AKAP9: variants seen among roughly 807,000 people sequenced by gnomAD.
AKAP9 encodes the protein A-kinase anchoring protein 9.
A neutral mutation model predicts 488.5 loss-of-function variants in AKAP9; 311 were observed. That is an observed-to-expected ratio of 0.64 (90% CI 0.58 to 0.70). The LOEUF is 0.70. AKAP9 is among the 30% of genes least tolerant of loss of function. The pLI, the probability that AKAP9 is intolerant of heterozygous loss-of-function variation, is 0.00. For synonymous variants in AKAP9, 1,462 were observed against 1,483.5 expected, an observed-to-expected ratio of 0.99 and a Z score of 0.33; for missense variants, 4,215 against 4,374.5, an observed-to-expected ratio of 0.96 and a Z score of 1.03.
chr7:92,079,256 C>T lies in AKAP9; in HGVS notation c.7123C>T (p.His2375Tyr), dbSNP rs1441119171. ...NIGQKTSMNAHSLSEEADSLK... is the reference protein window; with the variant it reads ...NIGQKTSMNAYSLSEEADSLK... ...TGGACAGAAGACATCAATGAATGCT[C>T]ATTCCCTCTCAGAAGAAGCAGACAG... Residue 2375 changes from histidine to tyrosine, a missense_variant, in exon 31 of 50, where the codon CAT (histidine) becomes TAT (tyrosine). By Grantham distance (83) the His-to-Tyr change is moderately conservative. This residue lies in a region of AKAP9 where 1,476 missense variants were observed against 1,477.4 expected (regional missense o/e 1.00). Coordinates refer to ENST00000356239, the MANE Select transcript of AKAP9 (RefSeq NM_005751.5). 6.2e-7 allele frequency: 1 copy of T among 1,613,896 alleles called. No individual in the cohort carries two copies. The highest frequency in any genetic ancestry group is 8.5e-7 in the Non-Finnish European group (1 of 1,179,998).
In AKAP9 at chr7:92,027,790, C is replaced by T. The variant is rs371943640; in HGVS notation, c.4149-2105C>T. Reference sequence around the variant, plus strand: ...TTTCTGCAGGTGTACCCAACAGCTCCGAAGAGACAGCAACCATTGAGAACA... The same window carrying T: ...TTTCTGCAGGTGTACCCAACAGCTCTGAAGAGACAGCAACCATTGAGAACA... On this transcript the variant is annotated intron_variant, in intron 14 of 49. Coordinates refer to ENST00000356239, the MANE Select transcript of AKAP9 (RefSeq NM_005751.5). 3.9e-5 allele frequency among the ~76,000 whole-genome samples: 6 copies of T among 152,020 alleles called. No individual in the cohort carries two copies. The South Asian group carries it at 6.2e-4, about 16-fold the overall frequency.
At chr7:92,058,265 C>G in intron 22 of AKAP9, 1 of 587,164 alleles carries the variant, frequency 1.7e-6, no homozygotes, top group Non-Finnish European at 3.4e-6. Context: ...ATCTCGCGTG[C>G]CTTTACCACA....
intron 1 of AKAP9, among the ~76,000 whole-genome samples, chr7:91,961,379 T>C (rs1347177794): frequency 1.3e-5 from 2 of 150,002 alleles, no homozygotes; most frequent in Non-Finnish European, 3.0e-5. Flanking sequence ...GGTTTCACCA[T>C]GTTGGTCAGG....
intron 46 of AKAP9, 145 bp from the exon 47 acceptor site, chr7:92,105,533 C>A: frequency 2.8e-6 from 2 of 706,496 alleles, no homozygotes; most frequent in Non-Finnish European, 2.6e-6. Context: ...TTTGTCACAA[C>A]AGGCATTGAC....
chr7:91,983,658 C>T (rs893297784), intron 3 of AKAP9, among the ~76,000 whole-genome samples: 5 of 152,156 alleles, frequency 3.3e-5, no homozygotes, highest in Non-Finnish European at 7.4e-5. Context: ...CAAAAATTAT[C>T]TGAACATGGT....
At position 91,971,982 on chromosome 7, in the gene AKAP9, C is replaced by CTTTTTTTT. The variant is rs71107846; in HGVS notation, c.49-1716_49-1709dup. ...ATAGAGTCTTTTATGTTTTGCCTCT[C>CTTTTTTTT]TTTTTTTTTTTTTTTTTTTTGCACT... On this transcript the variant is annotated intron_variant, in intron 1 of 49. Transcript: ENST00000356239. Among the ~76,000 whole-genome samples the CTTTTTTTT allele has an allele frequency of 6.7e-4, 62 of 91,880 alleles. 3 individuals are homozygous for CTTTTTTTT. Among genetic ancestry groups the CTTTTTTTT allele is most frequent in the African/African-American group, 9.5e-4 (21 of 22,088 alleles). The allele number at this position is 91,880 out of a possible 152,430, so 60.3% of individuals were successfully genotyped here.
intron 22 of AKAP9, chr7:92,058,070 A>G: frequency 2.3e-6 from 1 of 438,992 alleles, no homozygotes; most frequent in Non-Finnish European, 4.4e-6. Context: ...GAAACTTTTT[A>G]TACTGCTATG....
chr7:92,012,002 G>C (rs974172231), intron 8 of AKAP9, among the ~76,000 whole-genome samples: 9 of 152,186 alleles, frequency 5.9e-5, no homozygotes, highest in Non-Finnish European at 8.8e-5. Flanking sequence ...TTGGGAAGCT[G>C]AGGTGGGAGG....
Position 92,079,050 on chromosome 7 carries a change from T to C in AKAP9, c.6946-29T>C. On this transcript the variant is annotated intron_variant, in intron 30 of 49. Transcript: ENST00000356239. ...TCAAAATGTAAATACATATATATTA[T>C]GTATGTTACCTTTTTCATTAATTAT... 4.1e-6 allele frequency: 6 copies of C among 1,461,746 alleles called. No individual in the cohort carries two copies. In the African/African-American group the frequency reaches 4.3e-5, roughly 10 times the overall value. The allele number at this position is 1,461,746 out of a possible 1,614,324, so 90.5% of individuals were successfully genotyped here.
rs775143377 is a variant in AKAP9 at position 92,003,160 on chromosome 7, A to T, written c.3243A>T (p.Glu1081Asp). 1.2e-6 allele frequency: 2 copies of T among 1,611,350 alleles called. No homozygotes were observed. Among genetic ancestry groups the T allele is most frequent in the Admixed American group, 3.3e-5 (2 of 59,714 alleles). Reference protein sequence around the residue: ...ILDHLPSVTKESSLRATQPSE... With the variant: ...ILDHLPSVTKDSSLRATQPSE... ...ATCACTTACCATCTGTAACAAAGGA[A>T]TCATCACTTAGAGCAACTCAACCAA... The change falls in exon 8 of 50, where the codon GAA becomes GAT. Residue 1081 changes from glutamate (E) to aspartate (D), a missense_variant. Transcript: ENST00000356239.
chr7:92,087,897 A>C (rs1814872920), intron 37 of AKAP9, among the ~76,000 whole-genome samples: 1 of 150,972 alleles, frequency 6.6e-6, no homozygotes, highest in Non-Finnish European at 1.5e-5. Flanking sequence ...ATATATATAT[A>C]AATAAATAAA....
Position 92,042,782 on chromosome 7 carries a change from T to G in AKAP9, c.5162+11T>G. 1 of 1,564,000 alleles carries G rather than the reference T, an allele frequency of 6.4e-7. No individual in the cohort carries two copies. Among genetic ancestry groups the G allele is most frequent in the South Asian group, 1.1e-5 (1 of 89,976 alleles). ...TTTGTCTAATGAAAGGTATACAAAA[T>G]GTGTACTTTTTCAGTGCAAAGTAAA... On this transcript the variant is annotated intron_variant, in intron 20 of 49. Transcript: ENST00000356239.
In AKAP9 at chr7:92,012,441, C is replaced by G. The variant is rs755066824; in HGVS notation, c.3331C>G (p.Leu1111Val). 16 of 1,613,282 alleles carry G rather than the reference C, an allele frequency of 9.9e-6. No homozygotes were observed. The South Asian group carries it at 1.8e-4, about 18-fold the overall frequency. Residue 1111 changes from leucine to valine, a missense_variant, in exon 9 of 50, where the codon CTA (leucine) becomes GTA (valine). Physicochemically the swap from Leu to Val is conservative, Grantham distance 32 (BLOSUM62 1). This residue lies in a region of AKAP9 where 2,361 missense variants were observed against 2,430.0 expected (regional missense o/e 0.97). Transcript: ENST00000356239. ...VLKSEQNDLR[L>V]QMEAQRICLS... is the part of the protein sequence containing the mutation. ...TGTTTACTTTAAGAATGATTTAAGG[C>G]TACAGATGGAAGCCCAACGCATTTG...
rs116169457 is a variant in AKAP9, at chr7:91,991,952, A to T, written c.352-206A>T. Among the ~76,000 whole-genome samples, 1,485 of 152,252 alleles carry T rather than the reference A, an allele frequency of 9.8e-3. 33 individuals are homozygous for T. The highest frequency in any genetic ancestry group is 0.034 in the African/African-American group (1,416 of 41,560). On this transcript the variant is annotated intron_variant, in intron 3 of 49. Transcript: ENST00000356239. The stretch of plus-strand genomic sequence containing the variant: ...TATATGTGTCTTTTGCATTGTAAGC[A>T]CTCAGATTTGTGAGGAATGATTGGC...
chr7:92,075,106 C>T (rs981790846), intron 28 of AKAP9, among the ~76,000 whole-genome samples: 1 of 150,916 alleles, frequency 6.6e-6, no homozygotes, highest in Non-Finnish European at 1.5e-5. Context: ...AAAAATAAAA[C>T]ACAAGTGTGG....
chr7:91,993,590 G>T (rs1453619204), intron 5 of AKAP9, among the ~76,000 whole-genome samples: 1 of 152,118 alleles, frequency 6.6e-6, no homozygotes, highest in Non-Finnish European at 1.5e-5. Context: ...GGGAGTCCCT[G>T]TCTCTTAAAA....
At chr7:92,012,306 A>G (rs986824120) in intron 8 of AKAP9, 123 bp from the exon 9 acceptor site, 23 of 867,056 alleles carry the variant, frequency 2.7e-5, no homozygotes, top group Admixed American at 1.1e-4. Context: ...GATAGAAAAA[A>G]AATTAGACTT....
chr7:92,086,224 C>T lies in AKAP9; in HGVS notation c.9025-4C>T. 6.2e-7 allele frequency: 1 copy of T among 1,611,826 alleles called. No individual in the cohort carries two copies. Among genetic ancestry groups the T allele is most frequent in the South Asian group, 1.1e-5 (1 of 90,914 alleles). On this transcript the variant is annotated splice_polypyrimidine_tract_variant and splice_region_variant and intron_variant, in intron 36 of 49. Transcript: ENST00000356239. Reference sequence around the variant, plus strand: ...ACTAACTATCGTTATATGTACTTTGCTAGGTTTATGATAGTTCTCAATCTC... The same window carrying T: ...ACTAACTATCGTTATATGTACTTTGTTAGGTTTATGATAGTTCTCAATCTC...
intron 1 of AKAP9, among the ~76,000 whole-genome samples, chr7:91,965,846 G>A (rs1794378171): frequency 6.6e-6 from 1 of 152,110 alleles, no homozygotes; most frequent in African/African-American, 2.4e-5. Context: ...AGAAATGTCT[G>A]TTCAGATATT....
Sources: gnomAD v4.1 joint callset for allele counts (sites outside exome capture counted in the v4.1 genomes callset) on GRCh38, gnomAD v4.1.1 for gene constraint, gnomAD v4.1.1 regional missense constraint, MANE v1.5 for transcripts, NCBI Gene and HGNC (gene_info 2026-07-23, HGNC 2026-07-21) for gene names.